Variants in DLG2 observed in about 807,000 individuals in gnomAD.
DLG2 encodes discs large MAGUK scaffold protein 2, also known as disks large homolog 2.
Under a neutral mutation model 132.5 loss-of-function variants are expected in DLG2, and 45 were observed. The observed-to-expected ratio is 0.34, with a 90% CI of 0.27 to 0.44. The LOEUF is 0.44. DLG2 is among the 20% of genes least tolerant of loss of function. DLG2 has a pLI of 1.00. For missense variants in DLG2, 1,045 were observed against 1,196.9 expected, an observed-to-expected ratio of 0.87 and a Z score of 1.87; for synonymous variants, 424 against 419.6, an observed-to-expected ratio of 1.01 and a Z score of -0.13.
chr11:84,248,136 G>A (rs12360734), intron 8 of DLG2, among the ~76,000 whole-genome samples: 8,609 of 152,196 alleles, frequency 0.057, 242 homozygotes, highest in Non-Finnish European at 0.068. Flanking sequence ...AGGTTACCCC[G>A]TGAGTCAGGA....
chr11:84,203,303 C>T (rs1042414386), intron 8 of DLG2, among the ~76,000 whole-genome samples: 1 of 151,998 alleles, frequency 6.6e-6, no homozygotes, highest in Non-Finnish European at 1.5e-5. Context: ...ATGCGATCCG[C>T]CAGGTGTGGT....
chr11:84,772,423 A>C (rs1174306014), intron 6 of DLG2, among the ~76,000 whole-genome samples: 3 of 152,154 alleles, frequency 2.0e-5, no homozygotes, highest in African/African-American at 7.2e-5. Context: ...CTGGACATAA[A>C]TTTGACACTT....
intron 6 of DLG2, among the ~76,000 whole-genome samples, chr11:84,726,554 A>G (rs1467528449): frequency 6.6e-6 from 1 of 152,068 alleles, no homozygotes; most frequent in African/African-American, 2.4e-5. Flanking sequence ...TGCTCTTGTG[A>G]ATAGTGCTGC....
chr11:84,619,409 G>A (rs1436221776), intron 6 of DLG2, among the ~76,000 whole-genome samples: 1 of 151,550 alleles, frequency 6.6e-6, no homozygotes, highest in Non-Finnish European at 1.5e-5. Context: ...AAAGAAAATG[G>A]CAGAAGTCAA....
intron 9 of DLG2, among the ~76,000 whole-genome samples, chr11:84,107,743 G>T (rs2093066722): frequency 6.6e-6 from 1 of 152,148 alleles, no homozygotes; most frequent in Non-Finnish European, 1.5e-5. Context: ...TAGAGGAGAA[G>T]GAGGCTGAAG....
intron 6 of DLG2, among the ~76,000 whole-genome samples, chr11:84,821,214 TG>T (rs1376816035): frequency 2.6e-5 from 4 of 151,886 alleles, no homozygotes; most frequent in Non-Finnish European, 5.9e-5. Flanking sequence ...CGAACAACTG[TG>T]TCTTCCCAAA....
intron 19 of DLG2, among the ~76,000 whole-genome samples, chr11:83,605,192 G>A (rs955989902): frequency 6.6e-6 from 1 of 152,076 alleles, no homozygotes; most frequent in African/African-American, 2.4e-5. Context: ...GCCATTTTCT[G>A]CCTATAAAGC....
chr11:85,205,165 G>GATAT (rs34558284), intron 4 of DLG2, among the ~76,000 whole-genome samples: 42 of 141,756 alleles, frequency 3.0e-4, no homozygotes, highest in South Asian at 1.1e-3. Context: ...TATATATATA[G>GATAT]ATATATATAT....
chr11:83,942,771 G>T (rs905335690), intron 14 of DLG2, among the ~76,000 whole-genome samples: 1 of 152,038 alleles, frequency 6.6e-6, no homozygotes, highest in Admixed American at 6.6e-5. Flanking sequence ...CCCCATAAGG[G>T]GATAGATCTT....
chr11:83,515,205 T>G (rs976938638), intron 21 of DLG2, among the ~76,000 whole-genome samples: 5 of 152,164 alleles, frequency 3.3e-5, no homozygotes, highest in African/African-American at 1.2e-4. Flanking sequence ...CAATATCAGA[T>G]TCTGTTATTC....
At chr11:84,931,322 C>T (rs1377495944) in intron 6 of DLG2, among the ~76,000 whole-genome samples, 1 of 152,076 alleles carries the variant, frequency 6.6e-6, no homozygotes, top group Non-Finnish European at 1.5e-5. Flanking sequence ...CCTTTATTTT[C>T]TGATATATGA....
chr11:84,797,126 C>G (rs560980713), intron 6 of DLG2, among the ~76,000 whole-genome samples: 1 of 152,084 alleles, frequency 6.6e-6, no homozygotes, highest in African/African-American at 2.4e-5. Context: ...GGATTACAGG[C>G]GTGAGCCACC....
chr11:85,575,467 G>A (rs1453954031), intron 3 of DLG2, among the ~76,000 whole-genome samples: 1 of 150,754 alleles, frequency 6.6e-6, no homozygotes, highest in Non-Finnish European at 1.5e-5. Context: ...TTGAGCCCAG[G>A]AGGTAGAGAC....
At chr11:84,740,968 C>A (rs1442681445) in intron 6 of DLG2, among the ~76,000 whole-genome samples, 2 of 152,206 alleles carry the variant, frequency 1.3e-5, no homozygotes, top group South Asian at 2.1e-4. Context: ...AAAACCCACA[C>A]ACCCAAAATC....
chr11:83,567,063 A>G (rs1034421442), intron 19 of DLG2, among the ~76,000 whole-genome samples: 1 of 152,102 alleles, frequency 6.6e-6, no homozygotes, highest in Non-Finnish European at 1.5e-5. Context: ...CCAGTTGAAA[A>G]TCATCACCTC....
intron 6 of DLG2, among the ~76,000 whole-genome samples, chr11:84,959,512 G>C (rs1420340294): frequency 6.6e-6 from 1 of 152,078 alleles, no homozygotes; most frequent in Non-Finnish European, 1.5e-5. Context: ...GCTTCTTCAA[G>C]AGTGCTATGA....
At chr11:83,605,117 A>G (rs1488796557) in intron 19 of DLG2, among the ~76,000 whole-genome samples, 1 of 151,856 alleles carries the variant, frequency 6.6e-6, no homozygotes, top group East Asian at 1.9e-4. Context: ...CTCTGATTTA[A>G]CCCTATGAGG....
chr11:84,147,092 C>T (rs191364688), intron 9 of DLG2, among the ~76,000 whole-genome samples: 13 of 152,192 alleles, frequency 8.5e-5, no homozygotes, highest in Non-Finnish European at 1.3e-4. Context: ...GGCTTGATTT[C>T]GCTCAGGTGC....
rs970355811 is a variant in DLG2 at position 85,437,172 on chromosome 11, A to T, written c.41-151807T>A. ...CGTGGGGAGGGATGCAAGGGGAGGG[A>T]GAGCATCAGGACAAATAGCCAATGC... On this transcript the variant is annotated intron_variant, in intron 3 of 27. Coordinates refer to ENST00000376104, the MANE Select transcript of DLG2 (RefSeq NM_001142699.3). Among the ~76,000 whole-genome samples, 6 of 152,208 alleles carry T rather than the reference A, an allele frequency of 3.9e-5. No homozygotes were observed. The East Asian group carries it at 1.2e-3, about 29-fold the overall frequency.
Sources: allele counts gnomAD v4.1 joint callset (sites outside exome capture counted in the v4.1 genomes callset), GRCh38; gene constraint gnomAD v4.1.1; transcripts MANE v1.5; gene names NCBI Gene and HGNC (gene_info 2026-07-23, HGNC 2026-07-21).